The following PAPOLA variants were observed in gnomAD, a reference collection of about 807,000 sequenced individuals.
PAPOLA encodes the protein polynucleotide adenylyltransferase alpha.
A neutral mutation model predicts 100.6 loss-of-function variants in PAPOLA; 15 were observed. That is an observed-to-expected ratio of 0.15 (90% confidence interval 0.10 to 0.23). PAPOLA has a LOEUF of 0.23. Among genes scored for constraint, PAPOLA ranks in the 10% least tolerant of loss-of-function variants. PAPOLA has a pLI of 1.00. For missense variants in PAPOLA, 533 were observed against 884.2 expected, an observed-to-expected ratio of 0.60 and a Z score of 5.04; for synonymous variants, 293 against 300.0, an observed-to-expected ratio of 0.98 and a Z score of 0.24.
chr14:96,526,184 C>G (rs1471227664), intron 4 of PAPOLA: 1 of 152,168 alleles, frequency 6.6e-6, no homozygotes, highest in Non-Finnish European at 1.5e-5. Flanking sequence ...AGCTTCTTTT[C>G]TTTCACTGAG....
chr14:96,503,416 C>G lies in PAPOLA; in HGVS notation c.8+816C>G, dbSNP rs1024412938. 4.6e-5 allele frequency among the ~76,000 whole-genome samples: 7 copies of G among 151,742 alleles called. No individual in the cohort carries two copies. The East Asian group carries it at 1.4e-3, about 29-fold the overall frequency. On this transcript the variant is annotated intron_variant, in intron 1 of 21. Coordinates refer to ENST00000216277, the MANE Select transcript of PAPOLA (RefSeq NM_032632.5). ...TTTATGCTTTCTAATGCCACTGCGC[C>G]TTTTTCTTTTCTTGGTGGGTTTTTA...
intron 1 of PAPOLA, among the ~76,000 whole-genome samples, chr14:96,505,067 A>G (rs899600929): frequency 1.3e-4 from 20 of 152,186 alleles, no homozygotes; most frequent in African/African-American, 4.6e-4. Context: ...ATACTTTTGG[A>G]AAGATTATAG....
intron 9 of PAPOLA, chr14:96,533,682 G>C (rs1899265869): frequency 2.9e-6 from 1 of 341,480 alleles, no homozygotes; most frequent in African/African-American, 2.4e-5. Context: ...AGTCTCCTGA[G>C]TAGCTGGGAC....
Position 96,535,989 on chromosome 14 carries a change from G to A in PAPOLA, c.1020G>A (p.Glu340=). The A allele has an allele frequency of 6.3e-7, 1 of 1,599,634 alleles. No homozygotes were observed. The highest frequency in any genetic ancestry group is 8.5e-7 in the Non-Finnish European group (1 of 1,172,840). ...CAACACGGATGGTCATGGTTGAGGA[G>A]TTTAAACAAGGTAAGTGTTTATCCT... ...SVSTRMVMVE[E]FKQGLAITDE... is the part of the protein sequence containing the mutation. The change falls in exon 11 of 22, where the codon GAG becomes GAA. Residue 340 remains glutamate, a synonymous_variant. Transcript: ENST00000216277.
chr14:96,508,380 A>G (rs1896879679), intron 1 of PAPOLA, among the ~76,000 whole-genome samples: 1 of 152,206 alleles, frequency 6.6e-6, no homozygotes, highest in Non-Finnish European at 1.5e-5. Context: ...CTGCTCAGTA[A>G]ATGTTGATTA....
chr14:96,535,570 T>C, intron 10 of PAPOLA: 1 of 1,026,198 alleles, frequency 9.7e-7, no homozygotes, highest in Non-Finnish European at 1.2e-6. Context: ...CCATTTCTGT[T>C]GTTGAATAAA....
intron 19 of PAPOLA, 25 bp from the exon 20 acceptor site, chr14:96,560,624 A>G (rs372016938): frequency 6.5e-7 from 1 of 1,538,636 alleles, no homozygotes; most frequent in African/African-American, 1.4e-5. Flanking sequence ...ATTTTAGAGA[A>G]TAAAGCTTTT....
At chr14:96,546,572 G>C (rs1029873543) in intron 15 of PAPOLA, among the ~76,000 whole-genome samples, 1 of 152,054 alleles carries the variant, frequency 6.6e-6, no homozygotes, top group East Asian at 1.9e-4. Flanking sequence ...GAGCCAGAAG[G>C]GTAATAAAGT....
chr14:96,509,173 A>G (rs547911876), intron 1 of PAPOLA, among the ~76,000 whole-genome samples: 1 of 152,112 alleles, frequency 6.6e-6, no homozygotes. Flanking sequence ...CTGGGACTAC[A>G]GGCACGCACC....
rs774734738 is a variant in PAPOLA, at chr14:96,502,442, G to A, written c.-151G>A. On this transcript the variant is annotated 5_prime_UTR_variant, in exon 1 of 22. Coordinates refer to ENST00000216277, the MANE Select transcript of PAPOLA (RefSeq NM_032632.5). ...AGGACGAAGGGGAAGGAGGAGAAGC[G>A]CTTAAAGCGGCGGGAGCGGTGCGGG... The A allele has an allele frequency of 9.9e-6, 7 of 709,854 alleles. No homozygotes were observed. The East Asian group carries it at 1.4e-4, about 14-fold the overall frequency. 44.0% of individuals were successfully genotyped at this position (709,854 alleles called of 1,614,324 possible). A position where few individuals can be genotyped will look rare whatever the true frequency, so the allele number is the denominator to read the frequency against.
intron 1 of PAPOLA, 101 bp from the exon 2 acceptor site, chr14:96,519,954 G>C: frequency 9.9e-7 from 1 of 1,013,250 alleles, no homozygotes; most frequent in Non-Finnish European, 1.4e-6. Context: ...AACCAATCAT[G>C]TTTAGAAATG....
chr14:96,522,342 CT>C (rs1433153637), intron 3 of PAPOLA, among the ~76,000 whole-genome samples: 1 of 151,766 alleles, frequency 6.6e-6, no homozygotes, highest in Non-Finnish European at 1.5e-5. Flanking sequence ...TGGTCTCAAA[CT>C]TTTGGTCTCA....
intron 1 of PAPOLA, among the ~76,000 whole-genome samples, chr14:96,509,136 A>G (rs1283902704): frequency 1.3e-5 from 2 of 152,126 alleles, no homozygotes; most frequent in Non-Finnish European, 2.9e-5. Flanking sequence ...GGCTCAAGGG[A>G]TCCTCCCACC....
At chr14:96,532,291 T>C in intron 7 of PAPOLA, 40 bp from the exon 8 acceptor site, 1 of 1,568,634 alleles carries the variant, frequency 6.4e-7, no homozygotes, top group Non-Finnish European at 8.6e-7. Flanking sequence ...GTTTTGTGTG[T>C]GTGTGTGTGT....
At chr14:96,555,264 C>T (rs1248619176) in intron 17 of PAPOLA, among the ~76,000 whole-genome samples, 2 of 139,776 alleles carry the variant, frequency 1.4e-5, no homozygotes, top group South Asian at 2.3e-4. Flanking sequence ...CTTGTAGAGA[C>T]GAGGGCTCAC....
Position 96,547,980 on chromosome 14 carries a change from C to T in PAPOLA, c.1521+62C>T. 3 of 1,353,072 alleles carry T rather than the reference C, an allele frequency of 2.2e-6. No individual in the cohort carries two copies. The South Asian group carries it at 4.2e-5, about 19-fold the overall frequency. The allele number at this position is 1,353,072 out of a possible 1,614,324, so 83.8% of individuals were successfully genotyped here. A position where few individuals can be genotyped will look rare whatever the true frequency, so the allele number is the denominator to read the frequency against. On this transcript the variant is annotated intron_variant, in intron 16 of 21. Transcript: ENST00000216277. ...ATAATGTTTTATGCATCTGGACTAT[C>T]ATTATTTCAGAATTTAGGCTCAGTT...
At chr14:96,527,686 T>C in intron 5 of PAPOLA, 147 bp downstream of exon 5, 2 of 617,448 alleles carry the variant, frequency 3.2e-6, no homozygotes, top group South Asian at 2.0e-5. Context: ...TGTGTTTTAT[T>C]CTTTACAGCA....
intron 1 of PAPOLA, among the ~76,000 whole-genome samples, chr14:96,511,012 C>G (rs191836165): frequency 6.6e-6 from 1 of 152,192 alleles, no homozygotes; most frequent in African/African-American, 2.4e-5. Context: ...GACCTTTAAA[C>G]AGCAAATTCT....
In PAPOLA at chr14:96,552,583, C is replaced by CGAA. The variant is rs570142271; in HGVS notation, c.1628_1630dup (p.Lys543dup). 2.2e-5 allele frequency: 35 copies of CGAA among 1,613,972 alleles called. No homozygotes were observed. The highest frequency in any genetic ancestry group is 3.0e-5 in the Non-Finnish European group (35 of 1,179,922). ...TCTGTGCCTTCACCTACTAGTGCTA[C>CGAA]GAAGACCAGTCCATTGAACAGTTCT... On this transcript the variant is annotated inframe_insertion, in exon 17 of 22. Coordinates refer to ENST00000216277, the MANE Select transcript of PAPOLA (RefSeq NM_032632.5).
Sources: allele counts gnomAD v4.1 joint callset (sites outside exome capture counted in the v4.1 genomes callset), GRCh38; gene constraint gnomAD v4.1.1; transcripts MANE v1.5; gene names NCBI Gene and HGNC (gene_info 2026-07-23, HGNC 2026-07-21).